Variants in PRH1 observed in about 807,000 individuals in gnomAD.
PRH1 encodes proline rich protein HaeIII subfamily 1.
PRH1 carries 7 observed loss-of-function variants against 7.9 expected under a neutral mutation model. The ratio of observed to expected loss-of-function variants is 0.89; its 90% CI spans 0.50 to 1.67. The LOEUF is 1.67. PRH1 is among the 40% of genes most tolerant of loss of function. The probability of loss-of-function intolerance (pLI) is 0.00; values close to 1 mark genes in which losing one functional copy is unlikely to be tolerated. For missense variants in PRH1, 109 were observed against 223.6 expected (o/e 0.49, Z 3.27); for synonymous variants, 45 against 80.8 (o/e 0.56, Z 2.38).
At chr12:10,973,292 T>A in intron 2 of PRH1, 1 of 171,092 alleles carries the variant, frequency 5.8e-6, no homozygotes, top group Non-Finnish European at 1.2e-5. Flanking sequence ...TATTTTTGAT[T>A]ACTTAATGGC....
chr12:10,923,641 G>A (rs898159916), intron 2 of PRH1, among the ~76,000 whole-genome samples: 2 of 152,152 alleles, frequency 1.3e-5, no homozygotes, highest in Non-Finnish European at 2.9e-5. Context: ...TTGTCCAAGG[G>A]AATAGTGTGA....
At chr12:10,923,204 C>G (rs1265770372) in intron 2 of PRH1, among the ~76,000 whole-genome samples, 1 of 150,832 alleles carries the variant, frequency 6.6e-6, no homozygotes, top group African/African-American at 2.4e-5. Flanking sequence ...TGGCTCAGTG[C>G]CACCTCTGCC....
chr12:11,038,077 G>C lies in PRH1; in HGVS notation c.-126+8943C>G, dbSNP rs527524825. On this transcript the variant is annotated intron_variant, in intron 1 of 3. Coordinates refer to the PRH1 transcript ENST00000539853. Reference sequence around the variant, plus strand: ...AAGAAAAGTTTTAAATTTTAATTTGGATTTCTTAGTACCATAATGCTCTAT... The same window carrying C: ...AAGAAAAGTTTTAAATTTTAATTTGCATTTCTTAGTACCATAATGCTCTAT... 1.2e-4 allele frequency among the ~76,000 whole-genome samples: 18 copies of C among 152,296 alleles called. No homozygotes were observed. The South Asian group carries it at 3.3e-3, about 28-fold the overall frequency.
intron 1 of PRH1, among the ~76,000 whole-genome samples, chr12:11,055,343 G>A (rs1591907483): frequency 6.6e-6 from 1 of 152,234 alleles, no homozygotes; most frequent in Non-Finnish European, 1.5e-5. Flanking sequence ...ATGATGAGTA[G>A]TAAACATACC....
At chr12:10,927,720 T>C (rs1950142858) in intron 2 of PRH1, among the ~76,000 whole-genome samples, 1 of 152,218 alleles carries the variant, frequency 6.6e-6, no homozygotes, top group Non-Finnish European at 1.5e-5. Flanking sequence ...GGCCTTGTCT[T>C]TATGATTTTC....
At chr12:11,062,885 G>T (rs989837631) in intron 1 of PRH1, among the ~76,000 whole-genome samples, 25 of 152,114 alleles carry the variant, frequency 1.6e-4, no homozygotes, top group African/African-American at 5.8e-4. Flanking sequence ...CTCAGAATCT[G>T]GTTGCTGCTA....
intron 1 of PRH1, among the ~76,000 whole-genome samples, chr12:11,146,336 A>C (rs574993222): frequency 7.9e-5 from 12 of 152,262 alleles, no homozygotes; most frequent in Non-Finnish European, 1.6e-4. Context: ...AATGAGAAAA[A>C]AAATGGCAAT....
At position 11,141,961 on chromosome 12, in the gene PRH1, T is replaced by C. The variant is rs550058344; in HGVS notation, n.40-20781A>G. ...CACCAAAACATCCAGATAATTTTTT[T>C]TTATTTTTTTATAGAGACAAAGAGT... On this transcript the variant is annotated intron_variant and non_coding_transcript_variant, in intron 1 of 1. Coordinates refer to the PRH1 transcript ENST00000541175. 1.4e-4 allele frequency among the ~76,000 whole-genome samples: 22 copies of C among 152,230 alleles called. 1 individual carries two copies. The highest frequency in any genetic ancestry group is 1.2e-3 in the South Asian group (6 of 4,820).
chr12:10,956,648 T>G (rs1408159883), intron 2 of PRH1, among the ~76,000 whole-genome samples: 1 of 152,158 alleles, frequency 6.6e-6, no homozygotes, highest in Non-Finnish European at 1.5e-5. Context: ...GCAGATAATG[T>G]GACTTTATAC....
intron 1 of PRH1, among the ~76,000 whole-genome samples, chr12:11,010,166 A>G (rs1160208249): frequency 2.0e-5 from 3 of 151,964 alleles, no homozygotes; most frequent in Admixed American, 1.3e-4. Context: ...CTAAATCTAA[A>G]TGTATTCAGC....
At chr12:11,041,307 A>AAAAAAAAAAAAAC (rs1565584500) in intron 1 of PRH1, among the ~76,000 whole-genome samples, 2 of 97,194 alleles carry the variant, frequency 2.1e-5, no homozygotes, top group African/African-American at 4.4e-5. Context: ...AAAAAAAAAA[A>AAAAAAAAAAAAAC]AAAACAAAAA....
At chr12:10,909,649 C>A (rs1306176571) in intron 2 of PRH1, 2 of 216,884 alleles carry the variant, frequency 9.2e-6, no homozygotes, top group Non-Finnish European at 1.8e-5. Flanking sequence ...TTGTTTTGTA[C>A]TTTTTTGCCT....
At chr12:11,171,589 G>A (rs1173148966), upstream of PRH1, 6 of 1,228,336 alleles carry the variant, frequency 4.9e-6, no homozygotes, top group East Asian at 3.2e-5. Context: ...AACGGCCTCC[G>A]GGGCCAGCAT....
chr12:11,091,059 G>A (rs1321631702), intron 1 of PRH1, among the ~76,000 whole-genome samples: 1 of 86,942 alleles, frequency 1.2e-5, no homozygotes, highest in Non-Finnish European at 2.7e-5. Flanking sequence ...AAACAGAAAA[G>A]AGCATGTTGT....
chr12:10,987,656 T>C (rs769497546), intron 1 of PRH1, among the ~76,000 whole-genome samples: 34 of 151,850 alleles, frequency 2.2e-4, no homozygotes, highest in Non-Finnish European at 2.4e-4. Flanking sequence ...CACGTGAAAT[T>C]AGTCCTATTT....
intron 2 of PRH1, chr12:10,973,504 C>A: frequency 1.9e-6 from 1 of 520,406 alleles, no homozygotes; most frequent in Non-Finnish European, 3.4e-6. Flanking sequence ...GTAAAACGCA[C>A]ACAATAACAA....
chr12:11,128,434 A>G (rs1219037818), intron 1 of PRH1, among the ~76,000 whole-genome samples: 1 of 151,836 alleles, frequency 6.6e-6, no homozygotes, highest in East Asian at 1.9e-4. Context: ...TTTTCCAACT[A>G]CTCCTGCCTC....
chr12:10,906,398 T>C (rs978976907), intron 2 of PRH1, among the ~76,000 whole-genome samples: 9 of 152,230 alleles, frequency 5.9e-5, no homozygotes, highest in Non-Finnish European at 1.0e-4. Context: ...ATGTCCTCTC[T>C]TTGAAAGACA....
At chr12:11,060,978 T>A (rs1030214427) in intron 1 of PRH1, among the ~76,000 whole-genome samples, 5 of 152,252 alleles carry the variant, frequency 3.3e-5, no homozygotes, top group Non-Finnish European at 7.3e-5. Context: ...ATGTCTTTCC[T>A]GAGATAAGCT....
Sources: gnomAD v4.1 joint callset for allele counts (sites outside exome capture counted in the v4.1 genomes callset) on GRCh38, gnomAD v4.1.1 for gene constraint, MANE v1.5 for transcripts, NCBI Gene and HGNC (gene_info 2026-07-23, HGNC 2026-07-21) for gene names.